EPHA7: variants seen among roughly 807,000 people sequenced by gnomAD.
EPHA7 encodes ephrin type-A receptor 7.
Under a neutral mutation model 112.6 loss-of-function variants are expected in EPHA7, and 25 were observed. The observed-to-expected ratio is 0.22, with a 90% CI of 0.16 to 0.31. The LOEUF (loss-of-function observed/expected upper bound fraction) is 0.31. EPHA7 is among the 10% of genes least tolerant of loss of function. The pLI is 1.00. For missense variants in EPHA7, 962 were observed against 1,212.6 expected, an observed-to-expected ratio of 0.79 and a Z score of 3.07; for synonymous variants, 437 against 406.5, an observed-to-expected ratio of 1.07 and a Z score of -0.90.
intron 5 of EPHA7, among the ~76,000 whole-genome samples, chr6:93,353,118 G>GAACTTTTA (rs1775777360): frequency 6.6e-6 from 1 of 151,924 alleles, no homozygotes; most frequent in African/African-American, 2.4e-5. Flanking sequence ...TTTTTAAAGA[G>GAACTTTTA]AACTTTTAAA....
At position 93,335,431 on chromosome 6, in the gene EPHA7, G is replaced by A. The variant is rs1056380606; in HGVS notation, c.1324+21286C>T. 2.5e-4 allele frequency among the ~76,000 whole-genome samples: 38 copies of A among 151,906 alleles called. 1 individual carries two copies. The highest frequency in any genetic ancestry group is 1.8e-3 in the Admixed American group (28 of 15,206). ...TATTTCAAATTTTACAGTTTCATTG[G>A]TATTTATATTATAATTCCAAAGGAT... On this transcript the variant is annotated intron_variant, in intron 5 of 16. Transcript: ENST00000369303.
intron 3 of EPHA7, among the ~76,000 whole-genome samples, chr6:93,403,634 C>G (rs1326322731): frequency 6.7e-6 from 1 of 149,838 alleles, no homozygotes; most frequent in Admixed American, 6.7e-5. Context: ...GCACTCCCAC[C>G]TGGGCAACAT....
rs756330964 is a variant in EPHA7 at position 93,410,640 on chromosome 6, T to C, written c.693A>G (p.Arg231=). Residue 231 remains arginine (R), a synonymous_variant, in exon 3 of 17, where the codon CGA becomes CGG. Coordinates refer to ENST00000369303, the MANE Select transcript of EPHA7 (RefSeq NM_004440.4). This position sits in a 1 kb window ranked among gnomAD's most constrained non-coding sequence, Gnocchi z 4.0. ...CCTCTGCACTGCTGACACATGTCCC[T>C]CGAACCTCGACTAAAGAGGAAAATT... ...GSEFSSLVEV[R]GTCVSSAEEE... is the part of the protein sequence containing the mutation. 14 of 1,613,878 alleles carry C rather than the reference T, an allele frequency of 8.7e-6. No homozygotes were observed. Among genetic ancestry groups the C allele is most frequent in the African/African-American group, 2.7e-5 (2 of 74,906 alleles).
intron 8 of EPHA7, 25 bp from the exon 9 acceptor site, chr6:93,263,940 A>G (rs345724): frequency 0.078 from 123,814 of 1,588,950 alleles, 5,442 homozygotes; most frequent in Admixed American, 0.13. Flanking sequence ...ATTTGTGACA[A>G]TCTCAGTCAT....
At chr6:93,357,270 T>C (rs1346487501) in intron 4 of EPHA7, among the ~76,000 whole-genome samples, 1 of 152,210 alleles carries the variant, frequency 6.6e-6, no homozygotes, top group Non-Finnish European at 1.5e-5. Context: ...AGGCTTTATT[T>C]ATTTTCCTTT....
At chr6:93,350,433 C>T (rs989418326) in intron 5 of EPHA7, among the ~76,000 whole-genome samples, 1 of 151,794 alleles carries the variant, frequency 6.6e-6, no homozygotes, top group African/African-American at 2.4e-5. Flanking sequence ...TATAATTTAC[C>T]GTGTGACCTT....
chr6:93,242,274 G>A lies in EPHA7; in HGVS notation c.*1152C>T, dbSNP rs1313623152. On this transcript the variant is annotated 3_prime_UTR_variant, in exon 17 of 17. Coordinates refer to ENST00000369303, the MANE Select transcript of EPHA7 (RefSeq NM_004440.4). ...AAGACTTTTTGTTTTGTTTTGTTTT[G>A]AACTGCAATGGTGATATTCTGTGCA... is the stretch of plus-strand genomic sequence containing the variant. 2 of 202,300 alleles carry A rather than the reference G, an allele frequency of 9.9e-6. No individual in the cohort carries two copies. The highest frequency in any genetic ancestry group is 2.0e-5 in the Non-Finnish European group (2 of 98,052). 12.5% of individuals were successfully genotyped at this position (202,300 alleles called of 1,614,324 possible).
At chr6:93,376,964 A>G (rs2127966401) in intron 3 of EPHA7, among the ~76,000 whole-genome samples, 1 of 152,320 alleles carries the variant, frequency 6.6e-6, no homozygotes, top group Middle Eastern at 3.4e-3. Flanking sequence ...TACATTTTAC[A>G]TATAACCACC....
intron 1 of EPHA7, among the ~76,000 whole-genome samples, chr6:93,418,238 T>G (rs144012740): frequency 1.2e-4 from 18 of 152,246 alleles, no homozygotes; most frequent in Admixed American, 2.0e-4. Flanking sequence ...ACAGGGTTTA[T>G]TTTTCCCCAG....
At chr6:93,302,988 G>A (rs1773067974) in intron 5 of EPHA7, among the ~76,000 whole-genome samples, 2 of 152,092 alleles carry the variant, frequency 1.3e-5, no homozygotes, top group South Asian at 2.1e-4. Flanking sequence ...ACTACCTGCA[G>A]GGGTAAAGAC....
intron 5 of EPHA7, among the ~76,000 whole-genome samples, chr6:93,340,650 A>C (rs2127919638): frequency 6.6e-6 from 1 of 152,074 alleles, no homozygotes; most frequent in South Asian, 2.1e-4. Flanking sequence ...AAACGTTTCT[A>C]TATATAATTG....
At chr6:93,316,212 G>T (rs1444523495) in intron 5 of EPHA7, among the ~76,000 whole-genome samples, 1 of 152,074 alleles carries the variant, frequency 6.6e-6, no homozygotes, top group African/African-American at 2.4e-5. Flanking sequence ...AGGAAGGAGT[G>T]ATTTCTAAAA....
intron 7 of EPHA7, among the ~76,000 whole-genome samples, chr6:93,269,122 T>C (rs758311543): frequency 6.2e-4 from 94 of 151,896 alleles, no homozygotes; most frequent in Non-Finnish European, 1.0e-3. Flanking sequence ...TTCTGTGAAG[T>C]AGCTGCTTTG....
intron 5 of EPHA7, among the ~76,000 whole-genome samples, chr6:93,331,639 C>G (rs187953358): frequency 6.6e-6 from 1 of 151,600 alleles, no homozygotes; most frequent in East Asian, 1.9e-4. Context: ...TACCTAAGGA[C>G]AAATTATTAC....
chr6:93,366,590 C>A (rs1051766565), intron 3 of EPHA7, among the ~76,000 whole-genome samples: 29 of 152,168 alleles, frequency 1.9e-4, no homozygotes, highest in African/African-American at 6.5e-4. Flanking sequence ...TTCAGAGATG[C>A]CTTAGCAAGC....
chr6:93,339,952 T>C (rs191797328), intron 5 of EPHA7, among the ~76,000 whole-genome samples: 8 of 151,874 alleles, frequency 5.3e-5, no homozygotes, highest in Admixed American at 4.6e-4. Flanking sequence ...ATTCGCCATA[T>C]TCCAATTCAA....
chr6:93,411,223 C>A, intron 2 of EPHA7, 53 bp from the exon 3 acceptor site: 1 of 1,481,308 alleles, frequency 6.8e-7, no homozygotes, highest in Non-Finnish European at 9.2e-7. Flanking sequence ...TAACATTTTG[C>A]TTTTGAAAGT....
intron 3 of EPHA7, among the ~76,000 whole-genome samples, chr6:93,364,472 C>T (rs1008155567): frequency 2.1e-5 from 3 of 145,628 alleles, no homozygotes. Flanking sequence ...TGCAGTGAGC[C>T]GAGATGGTGC....
intron 5 of EPHA7, among the ~76,000 whole-genome samples, chr6:93,280,291 T>A (rs1562064388): frequency 6.6e-6 from 1 of 152,304 alleles, no homozygotes; most frequent in East Asian, 1.9e-4. Flanking sequence ...GGTTGGTATA[T>A]AGCCATGCAC....
Sources: allele counts gnomAD v4.1 joint callset (sites outside exome capture counted in the v4.1 genomes callset), GRCh38; gene constraint gnomAD v4.1.1; non-coding constraint Gnocchi (gnomAD v3.1); transcripts MANE v1.5; gene names NCBI Gene and HGNC (gene_info 2026-07-23, HGNC 2026-07-21).